The following CACHD1 variants were observed in gnomAD, a reference collection of about 807,000 sequenced individuals.
CACHD1 encodes the protein VWFA and cache domain-containing protein 1.
CACHD1 carries 71 observed loss-of-function variants against 138.7 expected under a neutral mutation model. The ratio of observed to expected loss-of-function variants is 0.51; its 90% CI spans 0.42 to 0.62. The LOEUF (loss-of-function observed/expected upper bound fraction) is 0.62. Ranked by LOEUF, CACHD1 falls within the 20% of genes least tolerant of loss-of-function variation. CACHD1 has a pLI of 0.00. For synonymous variants in CACHD1, 578 were observed against 591.5 expected, an observed-to-expected ratio of 0.98 and a Z score of 0.33; for missense variants, 1,389 against 1,625.3, an observed-to-expected ratio of 0.85 and a Z score of 2.50.
intron 1 of CACHD1, among the ~76,000 whole-genome samples, chr1:64,483,106 A>G (rs1216835685): frequency 6.6e-6 from 1 of 152,220 alleles, no homozygotes; most frequent in Non-Finnish European, 1.5e-5. Context: ...TAGGGTCTTT[A>G]TCTGCTACTA....
chr1:64,532,769 A>G (rs1032102847), intron 1 of CACHD1, among the ~76,000 whole-genome samples: 4 of 152,152 alleles, frequency 2.6e-5, no homozygotes, highest in African/African-American at 9.7e-5. Context: ...AGAGTCTTGG[A>G]GTCAGACATA....
chr1:64,633,004 A>C (rs1174268706), intron 6 of CACHD1, among the ~76,000 whole-genome samples: 1 of 152,226 alleles, frequency 6.6e-6, no homozygotes, highest in Non-Finnish European at 1.5e-5. Flanking sequence ...TTTATAACAT[A>C]ATAAAGTGTT....
intron 4 of CACHD1, among the ~76,000 whole-genome samples, chr1:64,606,256 C>CTATT (rs1428967049): frequency 6.6e-6 from 1 of 152,012 alleles, no homozygotes; most frequent in African/African-American, 2.4e-5. Context: ...ATAGGGAATA[C>CTATT]GGTTGGCTGT....
At position 64,654,002 on chromosome 1, in the gene CACHD1, A is replaced by G. The variant is rs12074225; in HGVS notation, c.1664+121A>G. On this transcript the variant is annotated intron_variant, in intron 11 of 26. Transcript: ENST00000651257. ...GTATAAATTATTTTAATGTTATCAA[A>G]AGTATTCTCAGTAATGTTTCCGTAA... 469 of 880,332 alleles carry G rather than the reference A, an allele frequency of 5.3e-4. 2 individuals are homozygous for G. The African/African-American group carries it at 7.2e-3, about 14-fold the overall frequency. The allele number at this position is 880,332 out of a possible 1,614,324, so 54.5% of individuals were successfully genotyped here.
chr1:64,481,855 T>C (rs1646213435), intron 1 of CACHD1, among the ~76,000 whole-genome samples: 1 of 152,172 alleles, frequency 6.6e-6, no homozygotes, highest in Non-Finnish European at 1.5e-5. Flanking sequence ...GATTCATCAG[T>C]CTGCTTGACT....
chr1:64,655,834 A>G (rs1649243776), intron 12 of CACHD1, among the ~76,000 whole-genome samples: 1 of 152,232 alleles, frequency 6.6e-6, no homozygotes, highest in African/African-American at 2.4e-5. Flanking sequence ...ATCGCTGAAC[A>G]TAAAATGCAG....
chr1:64,616,306 T>C (rs929285522), intron 4 of CACHD1, among the ~76,000 whole-genome samples: 9 of 152,166 alleles, frequency 5.9e-5, no homozygotes, highest in Non-Finnish European at 1.3e-4. Flanking sequence ...GTGACAAGCA[T>C]GTGGTGGTTA....
At chr1:64,476,972 G>A (rs949598551) in intron 1 of CACHD1, among the ~76,000 whole-genome samples, 1 of 152,150 alleles carries the variant, frequency 6.6e-6, no homozygotes, top group Non-Finnish European at 1.5e-5. Context: ...CTTGGACCTT[G>A]GAGTAAGAAT....
intron 1 of CACHD1, among the ~76,000 whole-genome samples, chr1:64,499,045 C>T (rs1646322969): frequency 6.6e-6 from 1 of 151,920 alleles, no homozygotes; most frequent in South Asian, 2.1e-4. Context: ...TGACCAGCTG[C>T]GAACTGGACA....
At chr1:64,626,479 C>T (rs374073840) in intron 4 of CACHD1, among the ~76,000 whole-genome samples, 3 of 152,228 alleles carry the variant, frequency 2.0e-5, no homozygotes, top group African/African-American at 4.8e-5. Flanking sequence ...ATTGTCACTC[C>T]GCACTCTACA....
At position 64,678,263 on chromosome 1, in the gene CACHD1, G is replaced by A; in HGVS notation, c.3197G>A (p.Gly1066Glu). The change falls in exon 23 of 27, where the codon GGG becomes GAG. Residue 1066 changes from glycine to glutamate, a missense_variant. Gly to Glu is a moderately conservative substitution (Grantham distance 98). This residue lies in a region of CACHD1 where 250 missense variants were observed against 292.9 expected (regional missense o/e 0.85). Transcript: ENST00000651257. ...GCCCCCCAGAAAGAATGCTTCGGGGGGATTGTGGGAGCCAAAAGTCCCTAC... is the reference window on the plus strand; with the variant it reads ...GCCCCCCAGAAAGAATGCTTCGGGGAGATTGTGGGAGCCAAAAGTCCCTAC... ...YCAPQKECFG[G>E]IVGAKSPYVD... 6.2e-7 allele frequency: 1 copy of A among 1,602,244 alleles called. No homozygotes were observed. Among genetic ancestry groups the A allele is most frequent in the Non-Finnish European group, 8.5e-7 (1 of 1,175,986 alleles).
chr1:64,671,418 T>TA, intron 16 of CACHD1, 146 bp from the exon 17 acceptor site: 1 of 805,772 alleles, frequency 1.2e-6, no homozygotes, highest in South Asian at 1.7e-5. Flanking sequence ...ATCAGTCACT[T>TA]AGTTGATCAT....
chr1:64,691,731 A>G lies in CACHD1; in HGVS notation c.*170A>G, dbSNP rs11550515. 1 of 618,080 alleles carries G rather than the reference A, an allele frequency of 1.6e-6. No individual in the cohort carries two copies. Among genetic ancestry groups the G allele is most frequent in the East Asian group, 2.8e-5 (1 of 36,314 alleles). 38.3% of individuals were successfully genotyped at this position (618,080 alleles called of 1,614,324 possible). On this transcript the variant is annotated 3_prime_UTR_variant, in exon 27 of 27. Transcript: ENST00000651257. ...CGACATGGTTAAAAACGAGAGAAAC[A>G]ACAACACAGTCACATTTGTGAAGAT...
At chr1:64,601,358 C>T (rs1249838074) in intron 3 of CACHD1, among the ~76,000 whole-genome samples, 1 of 152,186 alleles carries the variant, frequency 6.6e-6, no homozygotes, top group Non-Finnish European at 1.5e-5. Context: ...CTGTATTAAT[C>T]TCTTATTTTC....
At chr1:64,604,654 T>G (rs1258952992) in intron 4 of CACHD1, among the ~76,000 whole-genome samples, 1 of 152,196 alleles carries the variant, frequency 6.6e-6, no homozygotes, top group African/African-American at 2.4e-5. Flanking sequence ...ACTCATGGGT[T>G]GTTTCTTTTT....
At chr1:64,519,374 A>G (rs1283938685) in intron 1 of CACHD1, among the ~76,000 whole-genome samples, 1 of 152,214 alleles carries the variant, frequency 6.6e-6, no homozygotes, top group Non-Finnish European at 1.5e-5. Flanking sequence ...AACAGATACC[A>G]TAAGGAGGTC....
chr1:64,675,602 TTTAATA>T (rs1649959522), intron 20 of CACHD1, 41 bp downstream of exon 20: 4 of 1,561,274 alleles, frequency 2.6e-6, no homozygotes, highest in Non-Finnish European at 3.5e-6. Flanking sequence ...CACCACACTG[TTTAATA>T]TTTCAACTGA....
Position 64,473,101 on chromosome 1 carries a change from A to G in CACHD1, c.198+2159A>G, listed in dbSNP as rs561830206. ...CCAAATGGTCCTTTATCTCCTCCCA[A>G]CTGGCCTCTTTCTAACACCTTTGCA... On this transcript the variant is annotated intron_variant, in intron 1 of 26. Transcript: ENST00000651257. 3.9e-5 allele frequency among the ~76,000 whole-genome samples: 6 copies of G among 152,188 alleles called. 1 individual carries two copies. The South Asian group carries it at 1.0e-3, about 26-fold the overall frequency.
At chr1:64,471,559 G>T (rs1174991217) in intron 1 of CACHD1, among the ~76,000 whole-genome samples, 3 of 152,226 alleles carry the variant, frequency 2.0e-5, no homozygotes, top group African/African-American at 7.2e-5. Context: ...CCTCCCGGGA[G>T]CATGGGGGGA....
Sources: allele counts gnomAD v4.1 joint callset (sites outside exome capture counted in the v4.1 genomes callset), GRCh38; gene constraint gnomAD v4.1.1; regional missense constraint gnomAD v4.1.1; transcripts MANE v1.5; gene names NCBI Gene and HGNC (gene_info 2026-07-23, HGNC 2026-07-21).